PRORP: variants seen among roughly 807,000 people sequenced by gnomAD.
PRORP encodes protein only RNase P catalytic subunit.
A neutral mutation model predicts 59.4 loss-of-function variants in PRORP; 51 were observed. The observed-to-expected ratio is 0.86, with a 90% CI of 0.69 to 1.08. The LOEUF is 1.08. Ranked by LOEUF, PRORP falls within the 50% of genes least tolerant of loss-of-function variation. The probability of loss-of-function intolerance (pLI) is 0.00; values close to 1 mark genes in which losing one functional copy is unlikely to be tolerated. For missense variants in PRORP, 646 were observed against 690.3 expected, an observed-to-expected ratio of 0.94 and a Z score of 0.72; for synonymous variants, 231 against 245.6, an observed-to-expected ratio of 0.94 and a Z score of 0.55.
At chr14:35,212,515 TCTC>T (rs1270172508) in intron 5 of PRORP, among the ~76,000 whole-genome samples, 2 of 152,186 alleles carry the variant, frequency 1.3e-5, no homozygotes, top group African/African-American at 4.8e-5. Flanking sequence ...ACAGCATTCA[TCTC>T]CTTGTATATC....
chr14:35,171,016 A>G (rs2048302303), intron 4 of PRORP, among the ~76,000 whole-genome samples: 1 of 151,742 alleles, frequency 6.6e-6, no homozygotes, highest in African/African-American at 2.4e-5. Flanking sequence ...CACCCAGCTA[A>G]TTTTGTATTT....
In PRORP at chr14:35,266,869, A is replaced by G. The variant is rs538546668; in HGVS notation, c.1418A>G (p.Asp473Gly). Reference protein sequence around the residue: ...VQKQASCFFADDISEDDPFLL... With the variant: ...VQKQASCFFAGDISEDDPFLL... ...AAGCAAGCCAGCTGTTTTTTTGCTGATGACATGTAAGTGTTGGAGGTAATA... is the reference window on the plus strand; with the variant it reads ...AAGCAAGCCAGCTGTTTTTTTGCTGGTGACATGTAAGTGTTGGAGGTAATA... Residue 473 changes from aspartate (D) to glycine (G), a missense_variant, in exon 6 of 8, where the codon GAT (aspartate) becomes GGT (glycine). Coordinates refer to ENST00000534898, the MANE Select transcript of PRORP (RefSeq NM_014672.4). The G allele has an allele frequency of 8.7e-6, 14 of 1,614,158 alleles. No individual in the cohort carries two copies. The South Asian group carries it at 1.4e-4, about 16-fold the overall frequency.
intron 4 of PRORP, among the ~76,000 whole-genome samples, chr14:35,171,635 T>G (rs1258729306): frequency 6.6e-6 from 1 of 152,178 alleles, no homozygotes; most frequent in Admixed American, 6.5e-5. Context: ...TTACTTATGG[T>G]TTTCTTTGTG....
intron 5 of PRORP, among the ~76,000 whole-genome samples, chr14:35,208,143 C>A (rs1333843066): frequency 6.6e-6 from 1 of 150,670 alleles, no homozygotes; most frequent in African/African-American, 2.4e-5. Context: ...GAGCAAGACT[C>A]CATCTCAAAA....
chr14:35,240,198 G>A (rs552154264), intron 5 of PRORP, among the ~76,000 whole-genome samples: 2 of 151,260 alleles, frequency 1.3e-5, no homozygotes, highest in Non-Finnish European at 2.9e-5. Context: ...AGTTATGCCA[G>A]TTTCCTTGCA....
intron 5 of PRORP, chr14:35,235,357 C>T (rs2050184167): frequency 1.4e-6 from 1 of 703,084 alleles, no homozygotes; most frequent in Non-Finnish European, 2.6e-6. Context: ...CCGAGTTAAC[C>T]TGTGTAAAGT....
chr14:35,222,477 ACCTGGATC>A (rs2049812997), intron 5 of PRORP: 1 of 152,286 alleles, frequency 6.6e-6, no homozygotes, highest in Non-Finnish European at 1.5e-5. Context: ...TTGGCACACC[ACCTGGATC>A]CACTACCGGT....
At position 35,270,519 on chromosome 14, in the gene PRORP, C is replaced by T. The variant is rs371621427; in HGVS notation, c.1543C>T (p.Arg515Cys). 136 of 1,614,132 alleles carry T rather than the reference C, an allele frequency of 8.4e-5. 2 individuals carry two copies. The Middle Eastern group carries it at 9.9e-4, about 12-fold the overall frequency. Reference protein sequence around the residue: ...KACLPDAKTQRLFFKWQQGHQ... With the variant: ...KACLPDAKTQCLFFKWQQGHQ... ...CTGTCTGCCTGATGCCAAGACCCAACGCCTGTTTTTTAAGTGGCAGCAGGG... is the reference window on the plus strand; with the variant it reads ...CTGTCTGCCTGATGCCAAGACCCAATGCCTGTTTTTTAAGTGGCAGCAGGG... Residue 515 changes from arginine to cysteine, a missense_variant, in exon 7 of 8, where the codon CGC becomes TGC. Physicochemically the swap from Arg to Cys is radical, Grantham distance 180. Transcript: ENST00000534898.
intron 5 of PRORP, among the ~76,000 whole-genome samples, chr14:35,228,623 C>T (rs1028890840): frequency 1.3e-5 from 2 of 152,174 alleles, no homozygotes; most frequent in African/African-American, 2.4e-5. Context: ...CATGTTGCTG[C>T]GAAGGACATG....
chr14:35,155,215 A>G (rs1012066363), intron 4 of PRORP, among the ~76,000 whole-genome samples: 1 of 152,158 alleles, frequency 6.6e-6, no homozygotes, highest in African/African-American at 2.4e-5. Flanking sequence ...ATTCAGAGCT[A>G]AACACTGAAA....
intron 4 of PRORP, among the ~76,000 whole-genome samples, chr14:35,159,530 T>C (rs550549671): frequency 6.6e-6 from 1 of 152,322 alleles, no homozygotes; most frequent in South Asian, 2.1e-4. Flanking sequence ...TAGTTTTTCA[T>C]ATCAGTATCT....
rs2048053500 is a variant in PRORP, at chr14:35,161,301, T to C, written c.1168-19369T>C. On this transcript the variant is annotated intron_variant, in intron 4 of 7. Transcript: ENST00000534898. ...AATAGCCCTTCGAAGTATGTGTTAA[T>C]AACCCCACTTTATTCCTGAGGAACG... is the stretch of plus-strand genomic sequence containing the variant. 2.0e-5 allele frequency among the ~76,000 whole-genome samples: 3 copies of C among 152,218 alleles called. No homozygotes were observed. In the East Asian group the frequency reaches 5.8e-4, roughly 29 times the overall value.
intron 5 of PRORP, among the ~76,000 whole-genome samples, chr14:35,226,356 G>A (rs1566509582): frequency 6.6e-6 from 1 of 152,192 alleles, no homozygotes; most frequent in Non-Finnish European, 1.5e-5. Flanking sequence ...TACAAGGGCT[G>A]TAAGAAATGT....
chr14:35,133,413 C>T (rs1012725848), intron 4 of PRORP, among the ~76,000 whole-genome samples: 5 of 151,996 alleles, frequency 3.3e-5, no homozygotes, highest in African/African-American at 7.3e-5. Context: ...TGAATTCCTT[C>T]TTGGGTTATC....
intron 5 of PRORP, among the ~76,000 whole-genome samples, chr14:35,194,992 T>TGA (rs151285645): frequency 3.3e-4 from 1 of 3,050 alleles, no homozygotes; most frequent in Non-Finnish European, 0.01. Flanking sequence ...ACACATGATT[T>TGA]TGTTTTATTT....
At chr14:35,271,156 CTT>C (rs762721923) in intron 7 of PRORP, among the ~76,000 whole-genome samples, 4 of 114,560 alleles carry the variant, frequency 3.5e-5, no homozygotes, top group Admixed American at 9.4e-5. Flanking sequence ...ATTATGACTT[CTT>C]TTTTTTTTTT....
At chr14:35,205,277 G>A (rs186396369) in intron 5 of PRORP, among the ~76,000 whole-genome samples, 3 of 152,308 alleles carry the variant, frequency 2.0e-5, no homozygotes, top group African/African-American at 7.2e-5. Flanking sequence ...CACCTCCCTG[G>A]TTCAAGCAGT....
chr14:35,229,165 T>C (rs2050010323), intron 5 of PRORP, among the ~76,000 whole-genome samples: 1 of 152,206 alleles, frequency 6.6e-6, no homozygotes, highest in Admixed American at 6.5e-5. Flanking sequence ...ATTAAATTGC[T>C]TAAGCTCCTT....
intron 6 of PRORP, 117 bp downstream of exon 6, chr14:35,266,992 T>TAAAA: frequency 4.8e-5 from 32 of 668,456 alleles, no homozygotes; most frequent in Non-Finnish European, 5.1e-5. Context: ...TCACCCTCAT[T>TAAAA]AAAAAAAAAA....
Sources: allele counts gnomAD v4.1 joint callset (sites outside exome capture counted in the v4.1 genomes callset), GRCh38; gene constraint gnomAD v4.1.1; transcripts MANE v1.5; gene names NCBI Gene and HGNC (gene_info 2026-07-23, HGNC 2026-07-21).